NUP188: variants seen among roughly 807,000 people sequenced by gnomAD.
The protein encoded by NUP188 is nucleoporin 188.
Under a neutral mutation model 223.0 loss-of-function variants are expected in NUP188, and 97 were observed. The observed-to-expected ratio is 0.43, with a 90% CI of 0.37 to 0.51. The LOEUF (loss-of-function observed/expected upper bound fraction) is 0.51, where lower values mean the gene tolerates loss of function less well. Ranked by LOEUF, NUP188 falls within the 20% of genes least tolerant of loss-of-function variation. The pLI is 0.00. For synonymous variants in NUP188, 869 were observed against 828.0 expected (o/e 1.05, Z -0.85); for missense variants, 1,947 against 2,175.6 (o/e 0.89, Z 2.09).
Position 129,005,501 on chromosome 9 carries a change from C to T in NUP188, c.4708C>T (p.Pro1570Ser). Residue 1570 changes from proline (P) to serine (S), a missense_variant, in exon 40 of 44, where the codon CCA (proline) becomes TCA (serine). Transcript: ENST00000372577. ...GCTGGCAGCCCTGCGCCACTTCACC[C>T]CAGATGTCTGCCAGATTCTGCTGGA... ...KTLAALRHFT[P>S]DVCQILLDQS... The T allele has an allele frequency of 6.2e-7, 1 of 1,606,488 alleles. No individual in the cohort carries two copies. The highest frequency in any genetic ancestry group is 8.5e-7 in the Non-Finnish European group (1 of 1,179,990).
At chr9:128,954,495 C>T (rs530029992) in intron 3 of NUP188, among the ~76,000 whole-genome samples, 128 of 151,632 alleles carry the variant, frequency 8.4e-4, no homozygotes, top group Middle Eastern at 3.4e-3. Flanking sequence ...CGCCATTCTC[C>T]TGCCTCAGCC....
At position 128,970,808 on chromosome 9, in the gene NUP188, A is replaced by G. The variant is rs1435596108; in HGVS notation, c.963A>G (p.Pro321=). 2 of 1,614,110 alleles carry G rather than the reference A, an allele frequency of 1.2e-6. No homozygotes were observed. Among genetic ancestry groups the G allele is most frequent in the African/African-American group, 2.7e-5 (2 of 74,932 alleles). ...LTFGDIPHHA[P]VLLAWALLRH... Reference sequence around the variant, plus strand: ...TTGGGGACATTCCACATCATGCCCCAGTGCTTTTGGCCTGGGCTCTCCTCC... The same window carrying G: ...TTGGGGACATTCCACATCATGCCCCGGTGCTTTTGGCCTGGGCTCTCCTCC... The change falls in exon 11 of 44, where the codon CCA becomes CCG. Residue 321 remains proline (P), a synonymous_variant. Transcript: ENST00000372577.
Position 128,979,246 on chromosome 9 carries a change from T to C in NUP188, c.1204-16T>C, listed in dbSNP as rs1208344423. The C allele has an allele frequency of 6.3e-7, 1 of 1,596,494 alleles. No homozygotes were observed. The highest frequency in any genetic ancestry group is 8.6e-7 in the Non-Finnish European group (1 of 1,166,544). ...GCTAGGGAAAATGATCCATTTTTCT[T>C]CCCTTCCTCAAACAGGATATAATTG... On this transcript the variant is annotated splice_polypyrimidine_tract_variant and intron_variant, in intron 12 of 43. Coordinates refer to ENST00000372577, the MANE Select transcript of NUP188 (RefSeq NM_015354.3).
intron 25 of NUP188, among the ~76,000 whole-genome samples, chr9:128,991,830 CAAA>C (rs1374915905): frequency 4.9e-5 from 3 of 61,516 alleles, no homozygotes; most frequent in Admixed American, 1.8e-4. Context: ...GCGACAGAGT[CAAA>C]AAAAAAAAAA....
rs1564563584 is a variant in NUP188 at position 128,993,285 on chromosome 9, A to G, written c.2729A>G (p.Glu910Gly). 6.2e-7 allele frequency: 1 copy of G among 1,614,174 alleles called. No homozygotes were observed. The highest frequency in any genetic ancestry group is 2.2e-5 in the East Asian group (1 of 44,890). The change falls in exon 26 of 44, where the codon GAG (glutamate) becomes GGG (glycine). Residue 910 changes from glutamate (E) to glycine (G), a missense_variant. This residue lies in a region of NUP188 where 225 missense variants were observed against 319.1 expected (regional missense o/e 0.71). Coordinates refer to ENST00000372577, the MANE Select transcript of NUP188 (RefSeq NM_015354.3). ...AFLTRLQSKI[E>G]DMRIKVMILE... ...CTGACCCGATTGCAGAGCAAAATTG[A>G]GGACATGCGCATCAAAGTCATGATT...
chr9:128,985,094 G>A (rs1040635847), intron 20 of NUP188, 80 bp downstream of exon 20: 22 of 948,916 alleles, frequency 2.3e-5, no homozygotes, highest in Non-Finnish European at 3.6e-5. Flanking sequence ...AGTTTCCCTG[G>A]CCCCTGGTGC....
chr9:128,958,748 T>G, intron 6 of NUP188, 54 bp from the exon 7 acceptor site: 102 of 955,684 alleles, frequency 1.1e-4, no homozygotes, highest in Non-Finnish European at 1.5e-4. Flanking sequence ...AATTTAAACT[T>G]GAGTTTCCTA....
chr9:129,001,237 G>A (rs1036314678), intron 34 of NUP188, among the ~76,000 whole-genome samples: 6 of 151,470 alleles, frequency 4.0e-5, no homozygotes, highest in African/African-American at 1.2e-4. Flanking sequence ...AACATGAGAC[G>A]AGGTGGCTCT....
rs1842281779 is a variant in NUP188, at chr9:128,983,167, A to G, written c.1797-126A>G. 4.0e-5 allele frequency: 57 copies of G among 1,417,572 alleles called. No homozygotes were observed. The South Asian group carries it at 6.7e-4, about 17-fold the overall frequency. 87.8% of individuals were successfully genotyped at this position (1,417,572 alleles called of 1,614,324 possible). A position where few individuals can be genotyped will look rare whatever the true frequency, so the allele number is the denominator to read the frequency against. On this transcript the variant is annotated intron_variant, in intron 17 of 43. Transcript: ENST00000372577. ...TGGTTTTCCTGTTTTTATATCTGTGAGGGTTTTCCTGTTTTTATATGTCTG... is the reference window on the plus strand; with the variant it reads ...TGGTTTTCCTGTTTTTATATCTGTGGGGGTTTTCCTGTTTTTATATGTCTG...
intron 5 of NUP188, 114 bp downstream of exon 5, chr9:128,957,146 C>T (rs541934558): frequency 8.8e-5 from 59 of 671,530 alleles, no homozygotes; most frequent in Non-Finnish European, 1.2e-4. Flanking sequence ...GATCAGGTAC[C>T]GTCATCTTCA....
chr9:129,006,339 C>T lies in NUP188; in HGVS notation c.5044C>T (p.Arg1682Trp), dbSNP rs756734865. The T allele has an allele frequency of 6.2e-6, 10 of 1,614,180 alleles. No homozygotes were observed. Among genetic ancestry groups the T allele is most frequent in the African/African-American group, 4.0e-5 (3 of 75,050 alleles). The change falls in exon 43 of 44, where the codon CGG (arginine) becomes TGG (tryptophan). Residue 1682 changes from arginine (R) to tryptophan (W), a missense_variant. Transcript: ENST00000372577. Reference sequence around the variant, plus strand: ...GGCTGTGCACCCCCGGGACAAACAGCGGATGAAGCAGGAGCTCAGCTCTGA... The same window carrying T: ...GGCTGTGCACCCCCGGGACAAACAGTGGATGAAGCAGGAGCTCAGCTCTGA... ...DPAVHPRDKQ[R>W]MKQELSSELS...
At position 128,984,228 on chromosome 9, in the gene NUP188, G is replaced by A. The variant is rs9792433; in HGVS notation, c.1962-672G>A. Among the ~76,000 whole-genome samples the A allele has an allele frequency of 2.6e-3, 389 of 150,604 alleles. 2 individuals are homozygous for A. Among genetic ancestry groups the A allele is most frequent in the East Asian group, 0.011 (58 of 5,090 alleles). ...CACAACCTCCGCCTCCCAGGTTCAA[G>A]TGATTCTCCTGCCTCAGCCTCCCAA... On this transcript the variant is annotated intron_variant, in intron 19 of 43. Coordinates refer to ENST00000372577, the MANE Select transcript of NUP188 (RefSeq NM_015354.3).
intron 34 of NUP188, among the ~76,000 whole-genome samples, chr9:129,000,431 A>G (rs12555806): frequency 0.31 from 46,993 of 151,836 alleles, 8,523 homozygotes; most frequent in Non-Finnish European, 0.4. Context: ...CCATTCTCCC[A>G]CCTCAGCCAC....
In NUP188 at chr9:128,951,086, C is replaced by T. The variant is rs191256898; in HGVS notation, c.88-1687C>T. ...CAGCACTTTGGGAGGCCGAGGCGGG[C>T]GGATCACCTGAGGTCAGGAGTTCGT... is the stretch of plus-strand genomic sequence containing the variant. On this transcript the variant is annotated intron_variant, in intron 2 of 43. Transcript: ENST00000372577. 2.9e-4 allele frequency among the ~76,000 whole-genome samples: 44 copies of T among 152,000 alleles called. 1 individual carries two copies. The highest frequency in any genetic ancestry group is 9.6e-4 in the African/African-American group (40 of 41,462).
rs150023713 is a variant in NUP188, at chr9:128,966,541, T to C, written c.586-1965T>C. Among the ~76,000 whole-genome samples the C allele has an allele frequency of 7.4e-3, 1,130 of 152,250 alleles. 8 individuals carry two copies. Among genetic ancestry groups the C allele is most frequent in the Middle Eastern group, 0.024 (7 of 294 alleles). Reference sequence around the variant, plus strand: ...ACAAGATGCTGCAGGTTTTGCCATGTTGCCCAGGCTAGTCTTGGACTCCCG... The same window carrying C: ...ACAAGATGCTGCAGGTTTTGCCATGCTGCCCAGGCTAGTCTTGGACTCCCG... On this transcript the variant is annotated intron_variant, in intron 8 of 43. Coordinates refer to ENST00000372577, the MANE Select transcript of NUP188 (RefSeq NM_015354.3).
At chr9:128,957,911 A>C (rs2131142441) in intron 5 of NUP188, 99 bp from the exon 6 acceptor site, 2 of 898,922 alleles carry the variant, frequency 2.2e-6, no homozygotes, top group Non-Finnish European at 3.5e-6. Flanking sequence ...CAAATGTGCA[A>C]TTATAATCTT....
chr9:128,957,963 G>C lies in NUP188; in HGVS notation c.328-47G>C, dbSNP rs1361764214. 5.4e-6 allele frequency: 8 copies of C among 1,471,758 alleles called. No individual in the cohort carries two copies. The African/African-American group carries it at 9.9e-5, about 18-fold the overall frequency. 91.2% of individuals were successfully genotyped at this position (1,471,758 alleles called of 1,614,324 possible). ...GTATCTATCTTTTTTTATTACTTGA[G>C]TTTTGCCTAAAAGATGGCCTCTTAA... On this transcript the variant is annotated intron_variant, in intron 5 of 43. Coordinates refer to ENST00000372577, the MANE Select transcript of NUP188 (RefSeq NM_015354.3).
chr9:128,995,461 T>G lies in NUP188; in HGVS notation c.3298T>G (p.Tyr1100Asp). ...CAGCAGCTGCACCTCCTTGTTAGAGTACCAGATGCTGGTGTCCGCCTGGAG... is the reference window on the plus strand; with the variant it reads ...CAGCAGCTGCACCTCCTTGTTAGAGGACCAGATGCTGGTGTCCGCCTGGAG... ...EGSSCTSLLE[Y>D]QMLVSAWRML... Residue 1100 changes from tyrosine to aspartate, a missense_variant, in exon 30 of 44, where the codon TAC becomes GAC. By Grantham distance (160) the Tyr-to-Asp change is radical (BLOSUM62 -3). Around this residue, in one of 3 missense-constraint regions of NUP188, gnomAD observed 905 missense variants for 990.6 expected, o/e 0.91. Transcript: ENST00000372577. 1.2e-6 allele frequency: 2 copies of G among 1,612,496 alleles called. No homozygotes were observed. The highest frequency in any genetic ancestry group is 3.4e-5 in the Admixed American group (2 of 59,672).
At chr9:128,953,220 C>A (rs1026729073) in intron 3 of NUP188, among the ~76,000 whole-genome samples, 15 of 152,196 alleles carry the variant, frequency 9.9e-5, no homozygotes, top group Non-Finnish European at 1.5e-4. Flanking sequence ...AACTATGTAA[C>A]AATTAATACT....
Sources: allele counts gnomAD v4.1 joint callset (sites outside exome capture counted in the v4.1 genomes callset), GRCh38; gene constraint gnomAD v4.1.1; regional missense constraint gnomAD v4.1.1; transcripts MANE v1.5; gene names NCBI Gene and HGNC (gene_info 2026-07-23, HGNC 2026-07-21).